The following RNF145 variants were observed in gnomAD, a reference collection of about 807,000 sequenced individuals.
RNF145 encodes ring finger protein 145.
RNF145 carries 12 observed loss-of-function variants against 57.3 expected under a neutral mutation model. The observed-to-expected ratio is 0.21, with a 90% CI of 0.13 to 0.34. The LOEUF is 0.34. Among genes scored for constraint, RNF145 ranks in the 10% least tolerant of loss-of-function variants. The probability of loss-of-function intolerance (pLI) is 1.00; values close to 1 mark genes in which losing one functional copy is unlikely to be tolerated. For missense variants in RNF145, 429 were observed against 799.0 expected (o/e 0.54, Z 5.58); for synonymous variants, 262 against 288.3 (o/e 0.91, Z 0.92).
At chr5:159,161,173 C>G (rs1196642896) in intron 10 of RNF145, 93 bp downstream of exon 10, 3 of 705,334 alleles carry the variant, frequency 4.3e-6, no homozygotes, top group Admixed American at 2.8e-5. Flanking sequence ...ATAATTTTGC[C>G]TAGAAATTTA....
intron 2 of RNF145, among the ~76,000 whole-genome samples, chr5:159,202,829 C>CT (rs796307118): frequency 3.3e-5 from 5 of 151,674 alleles, no homozygotes; most frequent in African/African-American, 1.2e-4. Flanking sequence ...TATTTCTTGA[C>CT]TTTAATTTCT....
At chr5:159,181,576 T>G (rs908993013) in intron 4 of RNF145, among the ~76,000 whole-genome samples, 2 of 152,148 alleles carry the variant, frequency 1.3e-5, no homozygotes, top group Non-Finnish European at 2.9e-5. Context: ...AAGTTCTTGA[T>G]GTTTCCGGAC....
At chr5:159,169,586 T>C (rs1292310789) in intron 7 of RNF145, 93 bp downstream of exon 7, 2 of 1,108,522 alleles carry the variant, frequency 1.8e-6, no homozygotes, top group Non-Finnish European at 2.5e-6. Context: ...ATTCCATTTC[T>C]TCTAAAATTC....
intron 2 of RNF145, among the ~76,000 whole-genome samples, chr5:159,202,040 A>G (rs1459694010): frequency 6.6e-6 from 1 of 152,212 alleles, no homozygotes; most frequent in Non-Finnish European, 1.5e-5. Flanking sequence ...GCAACCACTG[A>G]GCTTACTCTA....
chr5:159,179,218 TAA>T (rs1351021066), intron 4 of RNF145, among the ~76,000 whole-genome samples: 1 of 152,086 alleles, frequency 6.6e-6, no homozygotes, highest in African/African-American at 2.4e-5. Flanking sequence ...ATGGCGTATT[TAA>T]GAGAAGACTA....
intron 1 of RNF145, among the ~76,000 whole-genome samples, chr5:159,205,578 C>A (rs1178614509): frequency 6.6e-6 from 1 of 152,136 alleles, no homozygotes; most frequent in African/African-American, 2.4e-5. Context: ...TAACCCAATA[C>A]CCTCTTGGGA....
intron 4 of RNF145, among the ~76,000 whole-genome samples, chr5:159,180,606 A>G (rs1236879661): frequency 6.6e-6 from 1 of 152,196 alleles, no homozygotes; most frequent in East Asian, 1.9e-4. Context: ...AGCCAAATAT[A>G]ATTTTAAATT....
At chr5:159,207,590 A>C (rs1785939344) in intron 1 of RNF145, 4 of 1,593,416 alleles carry the variant, frequency 2.5e-6, no homozygotes, top group East Asian at 2.2e-5. Context: ...GGTAGGCCTC[A>C]CTGAAAATGT....
At chr5:159,175,524 CTCA>C (rs1158385929) in intron 5 of RNF145, among the ~76,000 whole-genome samples, 3 of 152,152 alleles carry the variant, frequency 2.0e-5, no homozygotes, top group Admixed American at 2.0e-4. Flanking sequence ...AAAGATAACC[CTCA>C]TAAGACTGAA....
In RNF145 at chr5:159,162,933, T is replaced by C; in HGVS notation, c.1268A>G (p.Gln423Arg). The C allele has an allele frequency of 6.2e-7, 1 of 1,600,704 alleles. No individual in the cohort carries two copies. Among genetic ancestry groups the C allele is most frequent in the Non-Finnish European group, 8.5e-7 (1 of 1,176,176 alleles). Reference sequence around the variant, plus strand: ...AGAGTTAATTAATCATAGGCTTACCTGAAGAGAGGTAAGAATGCTGCTGGA... The same window carrying C: ...AGAGTTAATTAATCATAGGCTTACCCGAAGAGAGGTAAGAATGCTGCTGGA... ...IISSSILTSL[Q>R]VLGTLFIYVL... is the part of the protein sequence containing the mutation. Residue 423 changes from glutamine to arginine, a missense_variant and splice_region_variant, in exon 9 of 11, where the codon CAG (glutamine) becomes CGG (arginine). Gln to Arg is a conservative substitution (Grantham distance 43). This residue lies in a region of RNF145 where 216 missense variants were observed against 457.6 expected (regional missense o/e 0.47). Coordinates refer to ENST00000424310, the MANE Select transcript of RNF145 (RefSeq NM_001199383.2).
At chr5:159,179,584 G>C (rs1187126535) in intron 4 of RNF145, among the ~76,000 whole-genome samples, 5 of 152,024 alleles carry the variant, frequency 3.3e-5, no homozygotes, top group Non-Finnish European at 5.9e-5. Flanking sequence ...GTAAACAGAA[G>C]ACCATGGCCA....
At chr5:159,207,994 A>G in intron 1 of RNF145, 2 of 1,553,866 alleles carry the variant, frequency 1.3e-6, no homozygotes, top group East Asian at 2.4e-5. Flanking sequence ...ATTTTAAAAA[A>G]TAAAAAGACA....
At chr5:159,166,319 T>C (rs1784392431) in intron 8 of RNF145, among the ~76,000 whole-genome samples, 1 of 152,246 alleles carries the variant, frequency 6.6e-6, no homozygotes, top group South Asian at 2.1e-4. Flanking sequence ...TTCTTCCAGT[T>C]TGTAATGACC....
chr5:159,204,708 G>A (rs1449746435), intron 1 of RNF145, among the ~76,000 whole-genome samples: 1 of 149,010 alleles, frequency 6.7e-6, no homozygotes, highest in Non-Finnish European at 1.5e-5. Flanking sequence ...GGAGGCTAGG[G>A]CAGAAGAATT....
At chr5:159,195,824 T>A (rs1312612158) in intron 2 of RNF145, among the ~76,000 whole-genome samples, 1 of 152,182 alleles carries the variant, frequency 6.6e-6, no homozygotes, top group Non-Finnish European at 1.5e-5. Flanking sequence ...CAAAAACATA[T>A]CCTCATTTCT....
intron 6 of RNF145, among the ~76,000 whole-genome samples, chr5:159,171,524 C>T (rs954197644): frequency 6.6e-5 from 10 of 152,182 alleles, no homozygotes; most frequent in South Asian, 2.1e-4. Context: ...CCAAAGATTT[C>T]GACCTAGCTT....
At chr5:159,189,095 G>A (rs1438857551) in intron 3 of RNF145, among the ~76,000 whole-genome samples, 1 of 151,798 alleles carries the variant, frequency 6.6e-6, no homozygotes, top group Non-Finnish European at 1.5e-5. Flanking sequence ...GTAAATTATA[G>A]ATCTGATAAG....
intron 3 of RNF145, among the ~76,000 whole-genome samples, chr5:159,190,121 T>C (rs1785237760): frequency 6.6e-6 from 1 of 152,138 alleles, no homozygotes; most frequent in Non-Finnish European, 1.5e-5. Context: ...CAGCTCACTG[T>C]AGCCTCAACC....
At chr5:159,164,409 T>C (rs1784328254) in intron 8 of RNF145, among the ~76,000 whole-genome samples, 1 of 152,132 alleles carries the variant, frequency 6.6e-6, no homozygotes, top group Non-Finnish European at 1.5e-5. Context: ...AATATATTTT[T>C]TAAAAATCAA....
Sources: allele counts gnomAD v4.1 joint callset (sites outside exome capture counted in the v4.1 genomes callset), GRCh38; gene constraint gnomAD v4.1.1; regional missense constraint gnomAD v4.1.1; transcripts MANE v1.5; gene names NCBI Gene and HGNC (gene_info 2026-07-23, HGNC 2026-07-21).